The following SHISA9 variants were observed in gnomAD, a reference collection of about 807,000 sequenced individuals.
SHISA9 encodes the protein protein shisa-9.
In SHISA9, 13 loss-of-function variants were observed where a neutral mutation model predicts 38.0. The ratio of observed to expected loss-of-function variants is 0.34; its 90% CI spans 0.22 to 0.54. SHISA9 has a LOEUF of 0.54. Among genes scored for constraint, SHISA9 ranks in the 20% least tolerant of loss-of-function variants. The pLI is 0.91. For synonymous variants in SHISA9, 275 were observed against 242.0 expected, an observed-to-expected ratio of 1.14 and a Z score of -1.27; for missense variants, 538 against 575.8, an observed-to-expected ratio of 0.93 and a Z score of 0.67.
At chr16:13,530,584 T>A in the SHISA9 span, among the ~76,000 whole-genome samples, 2 of 152,256 alleles carry the variant, frequency 1.3e-5, no homozygotes, top group Middle Eastern at 3.4e-3. Context: ...TGATAAGAGC[T>A]AATCATTTTT....
At chr16:13,508,411 A>G in the SHISA9 span, among the ~76,000 whole-genome samples, 192 of 152,178 alleles carry the variant, frequency 1.3e-3, no homozygotes, top group Non-Finnish European at 2.2e-3. Context: ...GAGTACTTAA[A>G]TCTTATTTTT....
chr16:13,030,206 G>A (rs1210219541), intron 2 of SHISA9, among the ~76,000 whole-genome samples: 1 of 152,098 alleles, frequency 6.6e-6, no homozygotes, highest in Non-Finnish European at 1.5e-5. Flanking sequence ...CATTCTTATA[G>A]GCACTGATGG....
At chr16:12,957,810 G>T (rs1336624770) in intron 2 of SHISA9, among the ~76,000 whole-genome samples, 1 of 152,188 alleles carries the variant, frequency 6.6e-6, no homozygotes, top group Non-Finnish European at 1.5e-5. Flanking sequence ...TTCCTAGTGA[G>T]GGCTCTCTTC....
At chr16:13,256,363 C>A in the SHISA9 span, among the ~76,000 whole-genome samples, 7 of 152,224 alleles carry the variant, frequency 4.6e-5, no homozygotes, top group Non-Finnish European at 8.8e-5. Flanking sequence ...CTCACCGCAA[C>A]CTCTGCCTCC....
chr16:13,402,060 G>C, the SHISA9 span, among the ~76,000 whole-genome samples: 1 of 152,194 alleles, frequency 6.6e-6, no homozygotes, highest in Non-Finnish European at 1.5e-5. Context: ...TACAATTCAA[G>C]ATGAGATTTG....
chr16:13,105,368 G>T (rs2073916143), intron 2 of SHISA9, among the ~76,000 whole-genome samples: 1 of 152,192 alleles, frequency 6.6e-6, no homozygotes, highest in South Asian at 2.1e-4. Context: ...TCCCAAGTGG[G>T]TCCTGTCTGG....
At chr16:13,286,723 C>T in the SHISA9 span, among the ~76,000 whole-genome samples, 10 of 152,104 alleles carry the variant, frequency 6.6e-5, no homozygotes, top group Non-Finnish European at 1.2e-4. Flanking sequence ...CCTAGGACAG[C>T]AGACATCCAT....
At chr16:13,107,472 GACACACACACAC>G (rs34291803) in intron 2 of SHISA9, among the ~76,000 whole-genome samples, 5,515 of 144,380 alleles carry the variant, frequency 0.038, 128 homozygotes, top group Non-Finnish European at 0.053. Flanking sequence ...AAAAACAACA[GACACACACACAC>G]ACACACACAC....
At chr16:13,387,351 A>G in the SHISA9 span, among the ~76,000 whole-genome samples, 10 of 152,266 alleles carry the variant, frequency 6.6e-5, no homozygotes, top group South Asian at 1.9e-3. Flanking sequence ...CAGAAGAGGG[A>G]AATTTGGACT....
At chr16:13,068,947 G>A (rs572078720) in intron 2 of SHISA9, among the ~76,000 whole-genome samples, 217 of 151,608 alleles carry the variant, frequency 1.4e-3, no homozygotes, top group African/African-American at 4.7e-3. Flanking sequence ...GTGTATATGC[G>A]CATATGTGTA....
chr16:13,089,223 A>G (rs1204408681), intron 2 of SHISA9, among the ~76,000 whole-genome samples: 2 of 152,118 alleles, frequency 1.3e-5, no homozygotes, highest in Non-Finnish European at 1.5e-5. Flanking sequence ...TTGAGGATTT[A>G]CGCATTGATG....
intron 2 of SHISA9, among the ~76,000 whole-genome samples, chr16:12,979,169 A>G (rs1037031200): frequency 6.6e-6 from 1 of 152,198 alleles, no homozygotes; most frequent in African/African-American, 2.4e-5. Flanking sequence ...CATGGTTTAT[A>G]GCCACACCCT....
the SHISA9 span, among the ~76,000 whole-genome samples, chr16:13,253,036 C>G: frequency 1.3e-5 from 2 of 152,182 alleles, no homozygotes; most frequent in African/African-American, 4.8e-5. Context: ...TGATGATCCA[C>G]TTCCACTTAA....
At chr16:13,201,718 A>G (rs1233626932) in intron 2 of SHISA9, among the ~76,000 whole-genome samples, 3 of 129,190 alleles carry the variant, frequency 2.3e-5, no homozygotes, top group South Asian at 4.8e-4. Context: ...CCCCATGTTG[A>G]GGCAAGGGGC....
rs2072589704 is a variant in SHISA9 at position 13,005,722 on chromosome 16, G to A, written c.691+88907G>A. Reference sequence around the variant, plus strand: ...TGCCAACCCTCCAATCCCTGAAACCGGGCATCGGTGTTGACCTTGCCCAAC... The same window carrying A: ...TGCCAACCCTCCAATCCCTGAAACCAGGCATCGGTGTTGACCTTGCCCAAC... On this transcript the variant is annotated intron_variant, in intron 2 of 4. Coordinates refer to ENST00000558583, the MANE Select transcript of SHISA9 (RefSeq NM_001145204.3). Among the ~76,000 whole-genome samples, 5 of 152,142 alleles carry A rather than the reference G, an allele frequency of 3.3e-5. No individual in the cohort carries two copies. In the South Asian group the frequency reaches 1.0e-3, roughly 32 times the overall value.
chr16:13,483,216 A>T, the SHISA9 span, among the ~76,000 whole-genome samples: 235 of 152,246 alleles, frequency 1.5e-3, 4 homozygotes, highest in African/African-American at 5.6e-3. Context: ...TCACTCTTGG[A>T]TGTAGCCTAT....
At chr16:13,272,298 T>C in the SHISA9 span, among the ~76,000 whole-genome samples, 1 of 152,330 alleles carries the variant, frequency 6.6e-6, no homozygotes, top group African/African-American at 2.4e-5. Context: ...TGTTCTTTTT[T>C]GAGTGTGGAA....
chr16:13,018,698 T>G (rs2072786209), intron 2 of SHISA9, among the ~76,000 whole-genome samples: 1 of 152,188 alleles, frequency 6.6e-6, no homozygotes, highest in African/African-American at 2.4e-5. Context: ...AAATCCTTTA[T>G]TGATTCCTAG....
At chr16:13,355,568 C>T in the SHISA9 span, among the ~76,000 whole-genome samples, 2 of 151,960 alleles carry the variant, frequency 1.3e-5, no homozygotes, top group Non-Finnish European at 2.9e-5. Flanking sequence ...GTGGGGATAA[C>T]TGAAAAGGAG....
Sources: allele counts gnomAD v4.1 joint callset (sites outside exome capture counted in the v4.1 genomes callset), GRCh38; gene constraint gnomAD v4.1.1; transcripts MANE v1.5; gene names NCBI Gene and HGNC (gene_info 2026-07-23, HGNC 2026-07-21).